The following FITM2 variants were observed in gnomAD, a reference collection of about 807,000 sequenced individuals.
FITM2 encodes the protein fat storage inducing transmembrane protein 2.
FITM2 carries 16 observed loss-of-function variants against 23.3 expected under a neutral mutation model. The observed-to-expected ratio is 0.69, with a 90% CI of 0.47 to 1.05. The LOEUF (loss-of-function observed/expected upper bound fraction) is 1.05. Among genes scored for constraint, FITM2 ranks in the 50% least tolerant of loss-of-function variants. The pLI is 0.00. For missense variants in FITM2, 273 were observed against 327.5 expected, an observed-to-expected ratio of 0.83 and a Z score of 1.29; for synonymous variants, 132 against 142.0, an observed-to-expected ratio of 0.93 and a Z score of 0.50.
rs1443192610 is a variant in FITM2 at position 44,307,058 on chromosome 20, C to T, written c.356G>A (p.Gly119Asp). The T allele has an allele frequency of 1.2e-6, 2 of 1,614,030 alleles. No homozygotes were observed. Among genetic ancestry groups the T allele is most frequent in the Non-Finnish European group, 1.7e-6 (2 of 1,180,044 alleles). ...SIFSNIEHYT[G>D]SCYQSPALEG... The stretch of plus-strand genomic sequence containing the variant: ...CAGGGCTGGGGACTGGTAGCAGCTG[C>T]CCGTGTAGTGTTCGATGTTGGAGAA... The change falls in exon 2 of 2, where the codon GGC (glycine) becomes GAC (aspartate). Residue 119 changes from glycine (G) to aspartate (D), a missense_variant. Gly to Asp is a moderately conservative substitution (Grantham distance 94). Around this residue, in one of 3 missense-constraint regions of FITM2, gnomAD observed 117 missense variants for 183.3 expected, o/e 0.64. Coordinates refer to ENST00000396825, the MANE Select transcript of FITM2 (RefSeq NM_001080472.4).
chr20:44,308,488 G>T (rs1178043986), intron 1 of FITM2, among the ~76,000 whole-genome samples: 2 of 152,084 alleles, frequency 1.3e-5, no homozygotes, highest in Non-Finnish European at 2.9e-5. Flanking sequence ...GGTTTGGATA[G>T]CCCCCAGACT....
rs2062683135 is a variant in FITM2, at chr20:44,303,865, CTCA to C, written c.*2757_*2759del. 6.6e-6 allele frequency: 1 copy of C among 152,242 alleles called. No individual in the cohort carries two copies. Among genetic ancestry groups the C allele is most frequent in the African/African-American group, 2.4e-5 (1 of 41,438 alleles). The allele number at this position is 152,242 out of a possible 1,614,324, so 9.4% of individuals were successfully genotyped here. A position where few individuals can be genotyped will look rare whatever the true frequency, so the allele number is the denominator to read the frequency against. On this transcript the variant is annotated 3_prime_UTR_variant, in exon 2 of 2. Coordinates refer to ENST00000396825, the MANE Select transcript of FITM2 (RefSeq NM_001080472.4). ...GCCCAACCTCAAGTGATCCTCCCAT[CTCA>C]GCCTCCCAAAGTGCTAGGATTACAG...
chr20:44,311,144 T>A lies in FITM2; in HGVS notation c.5A>T (p.Glu2Val), dbSNP rs1282784774. M[E>V]HLERCEWLLR... ...CAACCACTCGCAGCGCTCCAGATGCTCCATGCCGGATCTCGTCAGCCACCG... is the reference window on the plus strand; with the variant it reads ...CAACCACTCGCAGCGCTCCAGATGCACCATGCCGGATCTCGTCAGCCACCG... Residue 2 changes from glutamate (E) to valine (V), a missense_variant, in exon 1 of 2, where the codon GAG becomes GTG. Physicochemically the swap from Glu to Val is moderately radical, Grantham distance 121 (BLOSUM62 -2). Coordinates refer to ENST00000396825, the MANE Select transcript of FITM2 (RefSeq NM_001080472.4). 6.2e-7 allele frequency: 1 copy of A among 1,611,088 alleles called. No homozygotes were observed. The highest frequency in any genetic ancestry group is 1.1e-5 in the South Asian group (1 of 90,860).
intron 1 of FITM2, among the ~76,000 whole-genome samples, chr20:44,308,503 C>A (rs1462109306): frequency 6.6e-6 from 1 of 152,130 alleles, no homozygotes; most frequent in Admixed American, 6.5e-5. Flanking sequence ...CAGACTCATG[C>A]TGTTTCTCCC....
chr20:44,305,226 T>A lies in FITM2; in HGVS notation c.*1399A>T, dbSNP rs950143145. ...TTGTGAGTTATTTTCAGGAGTTTTA[T>A]CAACAAAGAACAAATGTCACAGTTC... is the stretch of plus-strand genomic sequence containing the variant. On this transcript the variant is annotated 3_prime_UTR_variant, in exon 2 of 2. Transcript: ENST00000396825. 1 of 152,130 alleles carries A rather than the reference T, an allele frequency of 6.6e-6. No individual in the cohort carries two copies. Among genetic ancestry groups the A allele is most frequent in the Non-Finnish European group, 1.5e-5 (1 of 68,024 alleles). 9.4% of individuals were successfully genotyped at this position (152,130 alleles called of 1,614,324 possible). A position where few individuals can be genotyped will look rare whatever the true frequency, so the allele number is the denominator to read the frequency against.
Position 44,306,866 on chromosome 20 carries a change from C to G in FITM2, c.548G>C (p.Cys183Ser). The change falls in exon 2 of 2, where the codon TGC (cysteine) becomes TCC (serine). Residue 183 changes from cysteine to serine, a missense_variant. Physicochemically the swap from Cys to Ser is moderately radical, Grantham distance 112 (BLOSUM62 -1). This residue lies in a region of FITM2 where 117 missense variants were observed against 183.3 expected (regional missense o/e 0.64). Transcript: ENST00000396825. ...CAGGGTGGTGATGGCGGTGTGGAGG[C>G]AGTGGCTTCGGTCCGTCTTCACCTC... ...LHEVKTDRSH[C>S]LHTAITTLVV... The G allele has an allele frequency of 6.2e-7, 1 of 1,614,158 alleles. No homozygotes were observed. The highest frequency in any genetic ancestry group is 1.1e-5 in the South Asian group (1 of 91,088).
At position 44,311,145 on chromosome 20, in the gene FITM2, C is replaced by T. The variant is rs1004658892; in HGVS notation, c.4G>A (p.Glu2Lys). The T allele has an allele frequency of 2.5e-6, 4 of 1,611,164 alleles. No individual in the cohort carries two copies. The highest frequency in any genetic ancestry group is 3.4e-6 in the Non-Finnish European group (4 of 1,178,372). The change falls in exon 1 of 2, where the codon GAG becomes AAG. Residue 2 changes from glutamate (E) to lysine (K), a missense_variant. Around this residue, in one of 3 missense-constraint regions of FITM2, gnomAD observed 123 missense variants for 117.9 expected, o/e 1.04. Transcript: ENST00000396825. Reference protein sequence around the residue: MEHLERCEWLLR... With the variant: MKHLERCEWLLR... ...AACCACTCGCAGCGCTCCAGATGCT[C>T]CATGCCGGATCTCGTCAGCCACCGT...
rs762145202 is a variant in FITM2 at position 44,304,265 on chromosome 20, T to C, written c.*2360A>G. ...CAGTTAATGCTACTATTGGACTTGA[T>C]TGGAGAGAGGGGCATCAAGGCGGCC... On this transcript the variant is annotated 3_prime_UTR_variant, in exon 2 of 2. Coordinates refer to ENST00000396825, the MANE Select transcript of FITM2 (RefSeq NM_001080472.4). 3.0e-4 allele frequency: 45 copies of C among 152,060 alleles called. 1 individual carries two copies. The highest frequency in any genetic ancestry group is 2.8e-3 in the Admixed American group (42 of 15,252). The allele number at this position is 152,060 out of a possible 1,614,324, so 9.4% of individuals were successfully genotyped here.
Position 44,306,943 on chromosome 20 carries a change from G to A in FITM2, c.471C>T (p.Phe157=), listed in dbSNP as rs1017444439. The A allele has an allele frequency of 1.2e-6, 2 of 1,614,204 alleles. No individual in the cohort carries two copies. The highest frequency in any genetic ancestry group is 1.3e-5 in the African/African-American group (1 of 75,052). Residue 157 remains phenylalanine (F), a synonymous_variant, in exon 2 of 2, where the codon TTC becomes TTT. Coordinates refer to ENST00000396825, the MANE Select transcript of FITM2 (RefSeq NM_001080472.4). The part of the protein sequence containing the change: ...WHGFDISGHS[F]LLTFCALMIV... ...TCATGAGGGCGCAGAAGGTCAGCAG[G>A]AAGGAGTGACCTGAGATGTCAAAGC... is the stretch of plus-strand genomic sequence containing the variant.
In FITM2 at chr20:44,306,385, C is replaced by A. The variant is rs1289553885; in HGVS notation, c.*240G>T. On this transcript the variant is annotated 3_prime_UTR_variant, in exon 2 of 2. Transcript: ENST00000396825. ...CAAAAGGAGTGTTCCAGATAAAGGTCAAGTCTTACCAGGGACAAAAAGTGC... is the reference window on the plus strand; with the variant it reads ...CAAAAGGAGTGTTCCAGATAAAGGTAAAGTCTTACCAGGGACAAAAAGTGC... 4.3e-6 allele frequency: 2 copies of A among 460,444 alleles called. No homozygotes were observed. Among genetic ancestry groups the A allele is most frequent in the African/African-American group, 4.0e-5 (2 of 50,374 alleles). 28.5% of individuals were successfully genotyped at this position (460,444 alleles called of 1,614,324 possible). A position where few individuals can be genotyped will look rare whatever the true frequency, so the allele number is the denominator to read the frequency against.
rs2062683862 is a variant in FITM2 at position 44,304,134 on chromosome 20, G to A, written c.*2491C>T. On this transcript the variant is annotated 3_prime_UTR_variant, in exon 2 of 2. Transcript: ENST00000396825. ...GGATAAAATTAACCTCCAACTTGAT[G>A]GGATATGAAATATTTAAAATATATC... The A allele has an allele frequency of 6.6e-6, 1 of 152,106 alleles. No individual in the cohort carries two copies. Among genetic ancestry groups the A allele is most frequent in the African/African-American group, 2.4e-5 (1 of 41,424 alleles). The allele number at this position is 152,106 out of a possible 1,614,324, so 9.4% of individuals were successfully genotyped here.
At position 44,306,213 on chromosome 20, in the gene FITM2, C is replaced by G. The variant is rs552334321; in HGVS notation, c.*412G>C. 2 of 203,810 alleles carry G rather than the reference C, an allele frequency of 9.8e-6. No individual in the cohort carries two copies. Among genetic ancestry groups the G allele is most frequent in the South Asian group, 1.8e-4 (2 of 11,200 alleles). The allele number at this position is 203,810 out of a possible 1,614,324, so 12.6% of individuals were successfully genotyped here. On this transcript the variant is annotated 3_prime_UTR_variant, in exon 2 of 2. Transcript: ENST00000396825. ...GCTGGAAAATACTGTTAAGTAACAG[C>G]AGTAAGAGCCGTGAAAATCTAAAGA...
At chr20:44,310,346 C>A (rs905244843) in intron 1 of FITM2, among the ~76,000 whole-genome samples, 4 of 152,178 alleles carry the variant, frequency 2.6e-5, no homozygotes, top group Admixed American at 1.3e-4. Context: ...AAGCGCCCAG[C>A]TGGGATTGCT....
rs373273149 is a variant in FITM2 at position 44,307,279 on chromosome 20, C to G, written c.174-39G>C. On this transcript the variant is annotated intron_variant, in intron 1 of 1. Coordinates refer to ENST00000396825, the MANE Select transcript of FITM2 (RefSeq NM_001080472.4). ...AAAGTGGAAGTGAAGAGAGGGAACACGGTGGAGAGGACACCATGTCAGGAC... is the reference window on the plus strand; with the variant it reads ...AAAGTGGAAGTGAAGAGAGGGAACAGGGTGGAGAGGACACCATGTCAGGAC... 5 of 1,602,260 alleles carry G rather than the reference C, an allele frequency of 3.1e-6. No individual in the cohort carries two copies. In the Admixed American group the frequency reaches 8.4e-5, roughly 27 times the overall value.
In FITM2 at chr20:44,305,575, C is replaced by T. The variant is rs1380139113; in HGVS notation, c.*1050G>A. 2.0e-5 allele frequency: 3 copies of T among 152,166 alleles called. No homozygotes were observed. The highest frequency in any genetic ancestry group is 2.1e-4 in the South Asian group (1 of 4,824). 9.4% of individuals were successfully genotyped at this position (152,166 alleles called of 1,614,324 possible). A position where few individuals can be genotyped will look rare whatever the true frequency, so the allele number is the denominator to read the frequency against. ...CGGTGGCTCATGCCTGTAATCCCAG[C>T]ACTTTGGGAGGCCGAGGCAGGTGGA... is the stretch of plus-strand genomic sequence containing the variant. On this transcript the variant is annotated 3_prime_UTR_variant, in exon 2 of 2. Transcript: ENST00000396825.
intron 1 of FITM2, among the ~76,000 whole-genome samples, chr20:44,309,287 C>A (rs147204508): frequency 0.16 from 24,899 of 152,144 alleles, 2,202 homozygotes; most frequent in Middle Eastern, 0.27. Flanking sequence ...TCAAGTGATT[C>A]TCTTGCCTCA....
chr20:44,310,917 G>A (rs1374541170), intron 1 of FITM2, 59 bp downstream of exon 1: 17 of 1,494,382 alleles, frequency 1.1e-5, no homozygotes, highest in Non-Finnish European at 1.4e-5. Flanking sequence ...CGGCTTCTCT[G>A]GGCGAGGCGA....
In FITM2 at chr20:44,306,615, T is replaced by G. The variant is rs767267252; in HGVS notation, c.*10A>C. On this transcript the variant is annotated 3_prime_UTR_variant, in exon 2 of 2. Coordinates refer to ENST00000396825, the MANE Select transcript of FITM2 (RefSeq NM_001080472.4). ...AGCCATTGTCCTTCTGTCCCCCCTC[T>G]GTTACTCTTTTATTTCTTGTAACTA... 6.2e-7 allele frequency: 1 copy of G among 1,610,598 alleles called. No individual in the cohort carries two copies. Among genetic ancestry groups the G allele is most frequent in the South Asian group, 1.1e-5 (1 of 90,770 alleles).
intron 1 of FITM2, among the ~76,000 whole-genome samples, chr20:44,309,022 A>G (rs940447059): frequency 6.7e-6 from 1 of 149,636 alleles, no homozygotes; most frequent in Non-Finnish European, 1.5e-5. Context: ...TTTGAGACAG[A>G]GTTTTCACTC....
Sources: allele counts gnomAD v4.1 joint callset (sites outside exome capture counted in the v4.1 genomes callset), GRCh38; gene constraint gnomAD v4.1.1; regional missense constraint gnomAD v4.1.1; transcripts MANE v1.5; gene names NCBI Gene and HGNC (gene_info 2026-07-23, HGNC 2026-07-21).